FSD1L: variants seen among roughly 807,000 people sequenced by gnomAD.
FSD1L encodes the protein FSD1-like protein.
Under a neutral mutation model 71.6 loss-of-function variants are expected in FSD1L, and 45 were observed. That is an observed-to-expected ratio of 0.63 (90% CI 0.49 to 0.81). The LOEUF is 0.81. Ranked by LOEUF, FSD1L falls within the 30% of genes least tolerant of loss-of-function variation. The probability of loss-of-function intolerance (pLI) is 0.00; values close to 1 mark genes in which losing one functional copy is unlikely to be tolerated. For synonymous variants in FSD1L, 197 were observed against 207.2 expected, an observed-to-expected ratio of 0.95 and a Z score of 0.42; for missense variants, 561 against 618.1, an observed-to-expected ratio of 0.91 and a Z score of 0.98.
chr9:105,465,427 A>G (rs1190599797), intron 3 of FSD1L, among the ~76,000 whole-genome samples: 1 of 152,218 alleles, frequency 6.6e-6, no homozygotes, highest in Non-Finnish European at 1.5e-5. Context: ...TTATCCCAAT[A>G]ATAAAGCCAA....
chr9:105,442,687 CAAAGAAA>C, the FSD1L span, among the ~76,000 whole-genome samples: 2 of 147,080 alleles, frequency 1.4e-5, no homozygotes, highest in African/African-American at 5.2e-5. Context: ...GACCCTGTCT[CAAAGAAA>C]AAAAAAAAAA....
intron 5 of FSD1L, among the ~76,000 whole-genome samples, chr9:105,475,197 G>A (rs1294037398): frequency 6.6e-6 from 1 of 152,156 alleles, no homozygotes; most frequent in Non-Finnish European, 1.5e-5. Context: ...CCAAGTCAGT[G>A]TAACTAAATT....
chr9:105,535,627 C>T (rs1056195061), intron 12 of FSD1L, among the ~76,000 whole-genome samples: 1 of 152,134 alleles, frequency 6.6e-6, no homozygotes, highest in Non-Finnish European at 1.5e-5. Flanking sequence ...TTATTACCTA[C>T]CTCTAAAGAG....
intron 7 of FSD1L, among the ~76,000 whole-genome samples, chr9:105,502,468 A>G (rs1028504479): frequency 5.9e-5 from 9 of 152,114 alleles, no homozygotes; most frequent in East Asian, 1.9e-4. Flanking sequence ...ACTGTTTTCT[A>G]TCCCCTTCTC....
intron 12 of FSD1L, among the ~76,000 whole-genome samples, 182 bp downstream of exon 12, chr9:105,535,500 G>T (rs946029598): frequency 1.3e-5 from 2 of 152,068 alleles, no homozygotes; most frequent in African/African-American, 4.8e-5. Flanking sequence ...TGTGATGTCT[G>T]CCTGGAGCCC....
chr9:105,490,521 T>G (rs1832857624), intron 7 of FSD1L, among the ~76,000 whole-genome samples: 2 of 151,242 alleles, frequency 1.3e-5, no homozygotes, highest in Admixed American at 6.6e-5. Context: ...TAGATCCCAG[T>G]TGTCAATTTT....
chr9:105,523,077 G>A (rs1835284815), intron 10 of FSD1L: 1 of 1,614,180 alleles, frequency 6.2e-7, no homozygotes, highest in Non-Finnish European at 8.5e-7. Flanking sequence ...TGCTGATGTG[G>A]ATTCAGGTTC....
chr9:105,516,325 A>C (rs532583880), intron 10 of FSD1L, among the ~76,000 whole-genome samples: 6 of 152,198 alleles, frequency 3.9e-5, no homozygotes, highest in Admixed American at 6.5e-5. Context: ...CTCCAAGCAC[A>C]GAGTTCAAGC....
At chr9:105,541,520 A>G (rs938364519) in intron 13 of FSD1L, among the ~76,000 whole-genome samples, 6 of 152,156 alleles carry the variant, frequency 3.9e-5, no homozygotes, top group African/African-American at 7.2e-5. Flanking sequence ...CTCTAATTAT[A>G]TTAGTATATG....
At chr9:105,464,729 G>T (rs1027116910) in intron 3 of FSD1L, among the ~76,000 whole-genome samples, 1 of 152,072 alleles carries the variant, frequency 6.6e-6, no homozygotes, top group Non-Finnish European at 1.5e-5. Flanking sequence ...CCAGCATTTT[G>T]GGAGGCTGAT....
chr9:105,513,303 A>T (rs962147787), intron 10 of FSD1L, among the ~76,000 whole-genome samples: 1 of 152,188 alleles, frequency 6.6e-6, no homozygotes, highest in Non-Finnish European at 1.5e-5. Flanking sequence ...GACAGCGTTT[A>T]ATAGGTACAA....
intron 4 of FSD1L, 98 bp downstream of exon 4, chr9:105,468,422 C>G: frequency 1.1e-6 from 1 of 890,530 alleles, no homozygotes; most frequent in Non-Finnish European, 1.6e-6. Flanking sequence ...TATAACTATA[C>G]CCTTACCTCG....
chr9:105,538,647 A>T (rs1050333603), intron 12 of FSD1L, among the ~76,000 whole-genome samples: 2 of 152,162 alleles, frequency 1.3e-5, no homozygotes, highest in African/African-American at 2.4e-5. Flanking sequence ...TTAAAAATTA[A>T]CAAAGCAGGT....
intron 7 of FSD1L, chr9:105,500,669 A>C (rs1287380590): frequency 6.6e-6 from 1 of 152,206 alleles, no homozygotes; most frequent in Non-Finnish European, 1.5e-5. Context: ...GAACCTGGTA[A>C]GCTCCTGGAG....
intron 10 of FSD1L, among the ~76,000 whole-genome samples, chr9:105,518,488 G>T (rs1047086981): frequency 3.3e-5 from 5 of 152,170 alleles, no homozygotes; most frequent in Non-Finnish European, 2.9e-5. Context: ...AATCAAATTA[G>T]AACTGAAGAT....
At chr9:105,496,880 A>T (rs1833446371) in intron 7 of FSD1L, among the ~76,000 whole-genome samples, 1 of 152,230 alleles carries the variant, frequency 6.6e-6, no homozygotes, top group Non-Finnish European at 1.5e-5. Flanking sequence ...GTACTGCATT[A>T]CCTAGGACTT....
chr9:105,451,243 G>A lies in FSD1L; in HGVS notation c.15+3008G>A, dbSNP rs111969154. On this transcript the variant is annotated intron_variant, in intron 1 of 13. Transcript: ENST00000481272. ...CAAAGTGCTGGGATTACAGGCGTGG[G>A]CCACCGCGCCCGGCCCGACATTTTT... is the stretch of plus-strand genomic sequence containing the variant. Among the ~76,000 whole-genome samples, 951 of 152,366 alleles carry A rather than the reference G, an allele frequency of 6.2e-3. 16 individuals carry two copies. The highest frequency in any genetic ancestry group is 0.022 in the African/African-American group (902 of 41,582).
intron 13 of FSD1L, among the ~76,000 whole-genome samples, chr9:105,545,579 T>C (rs1210797595): frequency 2.0e-5 from 3 of 151,616 alleles, no homozygotes; most frequent in Admixed American, 1.3e-4. Context: ...ATAGCTCTTA[T>C]TATTTTGAGA....
At chr9:105,463,362 T>G (rs1251118926) in intron 2 of FSD1L, among the ~76,000 whole-genome samples, 4 of 152,210 alleles carry the variant, frequency 2.6e-5, no homozygotes, top group Non-Finnish European at 5.9e-5. Context: ...GCATTTGATT[T>G]TTTTCTGAGA....
Sources: gnomAD v4.1 joint callset for allele counts (sites outside exome capture counted in the v4.1 genomes callset) on GRCh38, gnomAD v4.1.1 for gene constraint, MANE v1.5 for transcripts, NCBI Gene and HGNC (gene_info 2026-07-23, HGNC 2026-07-21) for gene names.